The following SUMF2 variants were observed in gnomAD, a reference collection of about 807,000 sequenced individuals.
SUMF2 encodes the protein inactive C-alpha-formylglycine-generating enzyme 2.
SUMF2 carries 45 observed loss-of-function variants against 44.8 expected under a neutral mutation model. That is an observed-to-expected ratio of 1.00 (90% CI 0.79 to 1.29). The LOEUF is 1.29. Ranked by LOEUF, SUMF2 falls within the 50% of genes most tolerant of loss-of-function variation. The pLI, the probability that SUMF2 is intolerant of heterozygous loss-of-function variation, is 0.00. For synonymous variants in SUMF2, 148 were observed against 150.4 expected, an observed-to-expected ratio of 0.98 and a Z score of 0.12; for missense variants, 418 against 389.9, an observed-to-expected ratio of 1.07 and a Z score of -0.61.
intron 2 of SUMF2, among the ~76,000 whole-genome samples, chr7:56,071,155 T>G (rs1327083343): frequency 1.3e-5 from 2 of 151,856 alleles, no homozygotes; most frequent in East Asian, 3.9e-4. Context: ...TCACTTGAGC[T>G]CAGAATTTTT....
chr7:56,076,599 G>C (rs539975249), intron 5 of SUMF2: 1 of 407,182 alleles, frequency 2.5e-6, no homozygotes, highest in South Asian at 8.6e-5. Flanking sequence ...AACTGGCTCA[G>C]GTCCCAGAAC....
chr7:56,064,737 T>C (rs1794635986), intron 1 of SUMF2, among the ~76,000 whole-genome samples: 1 of 148,188 alleles, frequency 6.7e-6, no homozygotes, highest in East Asian at 2.0e-4. Flanking sequence ...AACACAACTA[T>C]CCGGGCGTGG....
At chr7:56,066,042 C>A (rs1794763417) in intron 1 of SUMF2, among the ~76,000 whole-genome samples, 1 of 131,492 alleles carries the variant, frequency 7.6e-6, no homozygotes, top group Non-Finnish European at 1.5e-5. Context: ...GATCGGGCCA[C>A]TGCACTCTGA....
chr7:56,081,299 C>T (rs2117530664), downstream of SUMF2: 1 of 1,606,176 alleles, frequency 6.2e-7, no homozygotes, highest in Non-Finnish European at 8.5e-7. This position sits in a 1 kb window ranked among gnomAD's most constrained non-coding sequence, Gnocchi z 4.6. Context: ...AGAGCGATCA[C>T]CTGCAGGGCC....
chr7:56,071,412 C>T (rs1795144406), intron 2 of SUMF2, among the ~76,000 whole-genome samples: 1 of 151,736 alleles, frequency 6.6e-6, no homozygotes, highest in Non-Finnish European at 1.5e-5. Context: ...TCTCTTGAAC[C>T]CAGGAGGTCG....
chr7:56,081,859 C>T, downstream of SUMF2: 1 of 1,612,056 alleles, frequency 6.2e-7, no homozygotes, highest in Admixed American at 1.7e-5. This position sits in a 1 kb window ranked among gnomAD's most constrained non-coding sequence, Gnocchi z 4.6. Context: ...CATCGCAGCC[C>T]TGAGCCCAGG....
chr7:56,078,065 A>G (rs1211241118), intron 6 of SUMF2, 37 bp from the exon 7 acceptor site: 1 of 1,557,484 alleles, frequency 6.4e-7, no homozygotes, highest in Non-Finnish European at 8.8e-7. Context: ...GCTTTGGGAC[A>G]GGTGGTAAAT....
At chr7:56,087,465 G>A in the SUMF2 span, 1 of 774,920 alleles carries the variant, frequency 1.3e-6, no homozygotes, top group Non-Finnish European at 2.1e-6. Flanking sequence ...TCAGAGCAGT[G>A]AGGGTGGAGC....
downstream of SUMF2, among the ~76,000 whole-genome samples, chr7:56,082,827 G>C (rs928324644): frequency 2.0e-5 from 3 of 152,206 alleles, no homozygotes; most frequent in South Asian, 4.1e-4. Context: ...GCCTAGCCCT[G>C]CTGGGCATGG....
chr7:56,077,525 G>A (rs1211063783), intron 6 of SUMF2, among the ~76,000 whole-genome samples: 2 of 151,432 alleles, frequency 1.3e-5, no homozygotes, highest in Non-Finnish European at 1.5e-5. Flanking sequence ...GCTGGGCATG[G>A]TGGCATGCAC....
chr7:56,087,755 C>T, the SUMF2 span: 3 of 1,612,684 alleles, frequency 1.9e-6, no homozygotes, highest in Non-Finnish European at 2.5e-6. Flanking sequence ...GGATGCATCG[C>T]CTGACCACAC....
At chr7:56,076,915 C>T (rs1357582844) in intron 6 of SUMF2, 26 bp downstream of exon 6, 1 of 1,596,188 alleles carries the variant, frequency 6.3e-7, no homozygotes, top group Non-Finnish European at 8.5e-7. Context: ...CTCCTTTCAC[C>T]AAGCATTGAC....
At chr7:56,087,194 T>TTCA in the SUMF2 span, among the ~76,000 whole-genome samples, 1 of 136,086 alleles carries the variant, frequency 7.3e-6, no homozygotes, top group Admixed American at 7.6e-5. Context: ...GCCCAGGGAC[T>TTCA]TTATTATTAT....
intron 8 of SUMF2, 126 bp from the exon 9 acceptor site, chr7:56,079,402 C>A: frequency 1.0e-6 from 1 of 956,496 alleles, no homozygotes; most frequent in Non-Finnish European, 1.6e-6. Flanking sequence ...CTTTCCAGAC[C>A]ATGCTCTCCC....
At chr7:56,076,341 T>C (rs890278025) in intron 5 of SUMF2, among the ~76,000 whole-genome samples, 10 of 151,954 alleles carry the variant, frequency 6.6e-5, no homozygotes, top group Admixed American at 3.9e-4. Flanking sequence ...TTTGTATTTT[T>C]AGTAGAGACA....
the SUMF2 span, chr7:56,087,629 G>A: frequency 6.2e-7 from 1 of 1,613,916 alleles, no homozygotes; most frequent in South Asian, 1.1e-5. Context: ...CCTTGCGCAG[G>A]ATGTCCACCT....
In SUMF2 at chr7:56,079,896, A is replaced by G. The variant is rs10800; in HGVS notation, c.*284A>G. 0.23 allele frequency: 349,706 copies of G among 1,516,328 alleles called. 41,615 individuals are homozygous for G. Among genetic ancestry groups the G allele is most frequent in the East Asian group, 0.38 (15,232 of 40,484 alleles). 93.9% of individuals were successfully genotyped at this position (1,516,328 alleles called of 1,614,324 possible). A position where few individuals can be genotyped will look rare whatever the true frequency, so the allele number is the denominator to read the frequency against. ...ACACAGGATTGCAAACACACAAACA[A>G]TTGGAACAGAGCACTCTGAAAGGCC... On this transcript the variant is annotated 3_prime_UTR_variant, in exon 9 of 9. Coordinates refer to ENST00000434526, the MANE Select transcript of SUMF2 (RefSeq NM_015411.4).
chr7:56,073,849 A>G (rs913983307), intron 3 of SUMF2: 4 of 319,208 alleles, frequency 1.3e-5, no homozygotes, highest in African/African-American at 8.7e-5. Flanking sequence ...TCTACAAAAA[A>G]AAGAAAAAAA....
Position 56,079,801 on chromosome 7 carries a change from G to C in SUMF2, c.*189G>C. On this transcript the variant is annotated 3_prime_UTR_variant, in exon 9 of 9. Coordinates refer to ENST00000434526, the MANE Select transcript of SUMF2 (RefSeq NM_015411.4). ...AGAGGACTCAGCCTCCTGTGTTTTG[G>C]AGAAGGGGCCCAATGTGTGTTGACG... 2 of 1,553,188 alleles carry C rather than the reference G, an allele frequency of 1.3e-6. No individual in the cohort carries two copies. The highest frequency in any genetic ancestry group is 1.7e-6 in the Non-Finnish European group (2 of 1,147,514).
Sources: gnomAD v4.1 joint callset for allele counts (sites outside exome capture counted in the v4.1 genomes callset) on GRCh38, gnomAD v4.1.1 for gene constraint, Gnocchi (gnomAD v3.1) non-coding constraint, MANE v1.5 for transcripts, NCBI Gene and HGNC (gene_info 2026-07-23, HGNC 2026-07-21) for gene names.